ANTXR1: variants seen among roughly 807,000 people sequenced by gnomAD.
ANTXR1 encodes ANTXR cell adhesion molecule 1.
In ANTXR1, 19 loss-of-function variants were observed where a neutral mutation model predicts 78.1. That is an observed-to-expected ratio of 0.24 (90% CI 0.17 to 0.36). ANTXR1 has a LOEUF of 0.36. ANTXR1 is among the 10% of genes least tolerant of loss of function. The probability of loss-of-function intolerance (pLI) is 1.00; values close to 1 mark genes in which losing one functional copy is unlikely to be tolerated. For missense variants in ANTXR1, 518 were observed against 718.6 expected, an observed-to-expected ratio of 0.72 and a Z score of 3.19; for synonymous variants, 273 against 260.5, an observed-to-expected ratio of 1.05 and a Z score of -0.46.
intron 1 of ANTXR1, among the ~76,000 whole-genome samples, chr2:69,021,925 G>C (rs1370407513): frequency 6.6e-6 from 1 of 152,208 alleles, no homozygotes; most frequent in African/African-American, 2.4e-5. Flanking sequence ...AAGAGGCAAT[G>C]ATAGCTCCTT....
intron 11 of ANTXR1, among the ~76,000 whole-genome samples, chr2:69,124,019 T>C (rs541754883): frequency 6.1e-4 from 93 of 152,182 alleles, no homozygotes; most frequent in Non-Finnish European, 1.2e-3. Context: ...TGCTGCGAAA[T>C]GCAACAAAAC....
At chr2:69,159,033 C>T (rs1009571148) in intron 13 of ANTXR1, among the ~76,000 whole-genome samples, 2 of 151,896 alleles carry the variant, frequency 1.3e-5, no homozygotes, top group Non-Finnish European at 2.9e-5. Context: ...GAAGAGTGTT[C>T]GATGCAGAAG....
chr2:69,108,748 A>G (rs1671888524), intron 10 of ANTXR1, among the ~76,000 whole-genome samples: 1 of 152,202 alleles, frequency 6.6e-6, no homozygotes, highest in South Asian at 2.1e-4. Flanking sequence ...TTAGTTTGCT[A>G]AGGATAATGG....
At chr2:69,113,786 A>G (rs1163323834) in intron 10 of ANTXR1, among the ~76,000 whole-genome samples, 1 of 152,248 alleles carries the variant, frequency 6.6e-6, no homozygotes, top group Non-Finnish European at 1.5e-5. Flanking sequence ...TTGTGCATGA[A>G]TCCTGAATTA....
chr2:69,029,656 A>G (rs779689417), intron 1 of ANTXR1, among the ~76,000 whole-genome samples: 23 of 152,118 alleles, frequency 1.5e-4, no homozygotes, highest in Non-Finnish European at 2.9e-4. Flanking sequence ...AAAGCTCAAT[A>G]ATTATAAGGT....
chr2:69,240,412 G>A (rs1675867411), intron 17 of ANTXR1, among the ~76,000 whole-genome samples: 2 of 152,234 alleles, frequency 1.3e-5, no homozygotes, highest in South Asian at 4.1e-4. Flanking sequence ...GGTGGACCAA[G>A]CTGGACATCT....
At chr2:69,050,433 T>C (rs1334682404) in intron 3 of ANTXR1, among the ~76,000 whole-genome samples, 2 of 145,194 alleles carry the variant, frequency 1.4e-5, no homozygotes, top group South Asian at 2.1e-4. Flanking sequence ...ATATTACTTA[T>C]CAATATTTAA....
At chr2:69,032,466 CA>C (rs1010211490) in intron 1 of ANTXR1, among the ~76,000 whole-genome samples, 7 of 152,080 alleles carry the variant, frequency 4.6e-5, no homozygotes, top group African/African-American at 1.4e-4. Context: ...CATTCTGCGT[CA>C]CTTCCTCCTA....
intron 17 of ANTXR1, among the ~76,000 whole-genome samples, chr2:69,201,920 C>A (rs1558642150): frequency 6.6e-6 from 1 of 152,298 alleles, no homozygotes; most frequent in East Asian, 1.9e-4. Context: ...CAGGAACTCT[C>A]TGGGTTGCTC....
chr2:69,077,115 C>A (rs1670756551), intron 7 of ANTXR1: 2 of 469,562 alleles, frequency 4.3e-6, no homozygotes, highest in African/African-American at 3.9e-5. Flanking sequence ...ATAAACATAT[C>A]AACCCAGGCC....
chr2:69,248,222 T>A lies in ANTXR1; in HGVS notation c.*2737T>A, dbSNP rs77138574. The A allele has an allele frequency of 1.2e-5, 2 of 165,602 alleles. No homozygotes were observed. Among genetic ancestry groups the A allele is most frequent in the Admixed American group, 6.6e-5 (1 of 15,194 alleles). 10.3% of individuals were successfully genotyped at this position (165,602 alleles called of 1,614,324 possible). A position where few individuals can be genotyped will look rare whatever the true frequency, so the allele number is the denominator to read the frequency against. On this transcript the variant is annotated 3_prime_UTR_variant, in exon 18 of 18. Coordinates refer to ENST00000303714, the MANE Select transcript of ANTXR1 (RefSeq NM_032208.3). ...TGTCCTTTTGAACTGTTTTTTTTTT[T>A]ATTAAAGCCAAATTTGTGTTGTATA...
At chr2:69,200,564 C>T (rs1193963289) in intron 17 of ANTXR1, among the ~76,000 whole-genome samples, 1 of 152,242 alleles carries the variant, frequency 6.6e-6, no homozygotes. Flanking sequence ...ACATTTCCTG[C>T]ATTCCCTCTT....
At chr2:69,018,765 C>T (rs1216315569) in intron 1 of ANTXR1, among the ~76,000 whole-genome samples, 2 of 152,228 alleles carry the variant, frequency 1.3e-5, no homozygotes, top group Admixed American at 6.5e-5. Context: ...TTCCACTCAT[C>T]TTCCCTGTAG....
chr2:69,245,257 C>G lies in ANTXR1; in HGVS notation c.1467C>G (p.Asn489Lys), dbSNP rs747799637. 6.2e-7 allele frequency: 1 copy of G among 1,613,986 alleles called. No individual in the cohort carries two copies. Residue 489 changes from asparagine (N) to lysine (K), a missense_variant, in exon 18 of 18, where the codon AAC becomes AAG. By Grantham distance (94) the Asn-to-Lys change is moderately conservative. Coordinates refer to ENST00000303714, the MANE Select transcript of ANTXR1 (RefSeq NM_032208.3). ...GCATCAACTTCACCAGGGTCAAGAA[C>G]AACCAGCCAGCCAAGTACCCACTCA... Reference protein sequence around the residue: ...GRCINFTRVKNNQPAKYPLNN... With the variant: ...GRCINFTRVKKNQPAKYPLNN...
intron 3 of ANTXR1, among the ~76,000 whole-genome samples, chr2:69,047,832 A>G (rs1207532214): frequency 2.6e-5 from 4 of 152,110 alleles, no homozygotes; most frequent in Non-Finnish European, 5.9e-5. Flanking sequence ...AGATAAGGAC[A>G]CTGAGGTTCA....
At chr2:69,056,168 C>T (rs761876774) in intron 3 of ANTXR1, among the ~76,000 whole-genome samples, 1 of 152,170 alleles carries the variant, frequency 6.6e-6, no homozygotes, top group Non-Finnish European at 1.5e-5. Flanking sequence ...AAGTAGTCAA[C>T]AGAACCAAAG....
At chr2:69,132,288 G>T (rs984968177) in intron 12 of ANTXR1, among the ~76,000 whole-genome samples, 3 of 152,210 alleles carry the variant, frequency 2.0e-5, no homozygotes, top group African/African-American at 7.2e-5. Flanking sequence ...AGAGATAGAG[G>T]CCACAGTGAC....
intron 14 of ANTXR1, among the ~76,000 whole-genome samples, chr2:69,174,332 T>G (rs978739607): frequency 6.6e-6 from 1 of 152,160 alleles, no homozygotes; most frequent in African/African-American, 2.4e-5. Flanking sequence ...TCTGCCAGAG[T>G]TGCCTTAAGA....
intron 17 of ANTXR1, among the ~76,000 whole-genome samples, chr2:69,210,696 G>C (rs1169771856): frequency 6.6e-6 from 1 of 152,192 alleles, no homozygotes; most frequent in African/African-American, 2.4e-5. Context: ...AGCACTTTCA[G>C]AGGCCGACAG....
Sources: allele counts gnomAD v4.1 joint callset (sites outside exome capture counted in the v4.1 genomes callset), GRCh38; gene constraint gnomAD v4.1.1; transcripts MANE v1.5; gene names NCBI Gene and HGNC (gene_info 2026-07-23, HGNC 2026-07-21).